NEK11: variants seen among roughly 807,000 people sequenced by gnomAD.
NEK11 encodes serine/threonine-protein kinase Nek11.
In NEK11, 72 loss-of-function variants were observed where a neutral mutation model predicts 80.7. That is an observed-to-expected ratio of 0.89 (90% CI 0.74 to 1.08). The LOEUF (loss-of-function observed/expected upper bound fraction) is 1.08. NEK11 is among the 50% of genes least tolerant of loss of function. The probability of loss-of-function intolerance (pLI) is 0.00; values close to 1 mark genes in which losing one functional copy is unlikely to be tolerated. For synonymous variants in NEK11, 251 were observed against 260.7 expected, an observed-to-expected ratio of 0.96 and a Z score of 0.36; for missense variants, 764 against 763.6, an observed-to-expected ratio of 1.00 and a Z score of -0.01.
chr3:131,312,037 C>T (rs1163601282), intron 17 of NEK11, among the ~76,000 whole-genome samples: 2 of 152,234 alleles, frequency 1.3e-5, no homozygotes, highest in Non-Finnish European at 2.9e-5. Context: ...AACCAGGCCA[C>T]AGTCACCCAA....
chr3:131,070,244 T>TA (rs2148910743), intron 3 of NEK11, among the ~76,000 whole-genome samples: 1 of 152,358 alleles, frequency 6.6e-6, no homozygotes, highest in East Asian at 1.9e-4. Context: ...TCTTATGTTA[T>TA]CAATATTTAT....
chr3:131,112,120 G>A (rs1024002910), intron 5 of NEK11, among the ~76,000 whole-genome samples: 1 of 152,140 alleles, frequency 6.6e-6, no homozygotes, highest in Admixed American at 6.5e-5. Context: ...AAGGTATGCA[G>A]AAATGTCCAT....
At chr3:131,144,735 C>T (rs985479701) in intron 7 of NEK11, among the ~76,000 whole-genome samples, 1 of 152,090 alleles carries the variant, frequency 6.6e-6, no homozygotes, top group African/African-American at 2.4e-5. Flanking sequence ...TTACTGGCGC[C>T]CATTCCAGGT....
intron 5 of NEK11, among the ~76,000 whole-genome samples, chr3:131,122,844 G>A (rs961381460): frequency 6.6e-6 from 1 of 152,096 alleles, no homozygotes; most frequent in African/African-American, 2.4e-5. Context: ...TGACCTGATG[G>A]GGAGATGGAG....
intron 3 of NEK11, among the ~76,000 whole-genome samples, chr3:131,058,858 A>G (rs2070225291): frequency 6.6e-6 from 1 of 152,166 alleles, no homozygotes; most frequent in Non-Finnish European, 1.5e-5. Flanking sequence ...AACTGAGAAG[A>G]GGCAACTGGC....
chr3:131,183,365 TGGCACCTGTCA>T (rs2093451272), intron 14 of NEK11, among the ~76,000 whole-genome samples: 1 of 152,204 alleles, frequency 6.6e-6, no homozygotes, highest in Non-Finnish European at 1.5e-5. Flanking sequence ...TGGTGGTTTA[TGGCACCTGTCA>T]ACCCATCACC....
At chr3:131,311,757 T>C (rs1470736563) in intron 17 of NEK11, among the ~76,000 whole-genome samples, 1 of 152,184 alleles carries the variant, frequency 6.6e-6, no homozygotes, top group Non-Finnish European at 1.5e-5. Context: ...GAAAGGAATA[T>C]GTTTGAAGAG....
At chr3:131,209,031 C>T (rs970211667) in intron 14 of NEK11, among the ~76,000 whole-genome samples, 3 of 152,148 alleles carry the variant, frequency 2.0e-5, no homozygotes, top group East Asian at 3.8e-4. Flanking sequence ...GAAGGCATCC[C>T]TGTCTTGTGC....
chr3:131,120,348 G>T (rs910513883), intron 5 of NEK11, among the ~76,000 whole-genome samples: 1 of 152,156 alleles, frequency 6.6e-6, no homozygotes, highest in Non-Finnish European at 1.5e-5. Flanking sequence ...TGAGAGATCC[G>T]CTGTTAGTCT....
intron 7 of NEK11, among the ~76,000 whole-genome samples, chr3:131,141,743 G>A (rs1010642676): frequency 2.6e-5 from 4 of 152,140 alleles, no homozygotes; most frequent in South Asian, 2.1e-4. Flanking sequence ...GAAAGGACAT[G>A]GAAGCATGAG....
intron 15 of NEK11, among the ~76,000 whole-genome samples, chr3:131,239,187 G>A (rs1163939476): frequency 6.6e-6 from 1 of 151,988 alleles, no homozygotes; most frequent in Non-Finnish European, 1.5e-5. Flanking sequence ...TGATTTGGTG[G>A]GATTTACTTC....
chr3:131,097,951 A>T (rs1189022170), intron 4 of NEK11, among the ~76,000 whole-genome samples: 2 of 146,136 alleles, frequency 1.4e-5, no homozygotes, highest in East Asian at 3.9e-4. Flanking sequence ...ACTGGTACCA[A>T]AACAGATATA....
At chr3:131,298,250 T>C (rs1468621071) in intron 17 of NEK11, among the ~76,000 whole-genome samples, 1 of 152,072 alleles carries the variant, frequency 6.6e-6, no homozygotes, top group African/African-American at 2.4e-5. Context: ...ATAAATTACC[T>C]TGGGCAGTAT....
At chr3:131,084,764 T>A (rs1490679171) in intron 4 of NEK11, among the ~76,000 whole-genome samples, 1 of 152,190 alleles carries the variant, frequency 6.6e-6, no homozygotes, top group East Asian at 1.9e-4. Context: ...TAGAATCACC[T>A]GAAGAGCTAT....
At chr3:131,282,376 T>C (rs1394154402) in intron 17 of NEK11, among the ~76,000 whole-genome samples, 4 of 147,712 alleles carry the variant, frequency 2.7e-5, no homozygotes, top group Admixed American at 6.6e-5. Flanking sequence ...ATAGTATTTA[T>C]AGAGGAAGAT....
intron 17 of NEK11, among the ~76,000 whole-genome samples, chr3:131,341,623 G>A (rs577719529): frequency 1.2e-3 from 190 of 152,202 alleles, no homozygotes; most frequent in Non-Finnish European, 2.1e-3. Flanking sequence ...AGCATTGTGA[G>A]AATATATCTG....
At chr3:131,122,730 T>G (rs2082609725) in intron 5 of NEK11, among the ~76,000 whole-genome samples, 1 of 152,160 alleles carries the variant, frequency 6.6e-6, no homozygotes, top group African/African-American at 2.4e-5. Flanking sequence ...GTCCATACCT[T>G]CTCCACAGTT....
At chr3:131,036,071 T>C (rs570460282) in intron 3 of NEK11, among the ~76,000 whole-genome samples, 3 of 152,356 alleles carry the variant, frequency 2.0e-5, no homozygotes, top group African/African-American at 7.2e-5. Context: ...CTTTTCTGTA[T>C]GCACTGACAA....
chr3:131,066,940 T>G (rs2072132468), intron 3 of NEK11, among the ~76,000 whole-genome samples: 1 of 152,174 alleles, frequency 6.6e-6, no homozygotes, highest in Non-Finnish European at 1.5e-5. Context: ...ACTCTGTGTC[T>G]TAATCTCTCT....
Sources: allele counts gnomAD v4.1 joint callset (sites outside exome capture counted in the v4.1 genomes callset), GRCh38; gene constraint gnomAD v4.1.1; transcripts MANE v1.5; gene names NCBI Gene and HGNC (gene_info 2026-07-23, HGNC 2026-07-21).